PALS1: variants seen among roughly 807,000 people sequenced by gnomAD.
PALS1 encodes the protein protein PALS1.
In PALS1, 31 loss-of-function variants were observed where a neutral mutation model predicts 78.9. The ratio of observed to expected loss-of-function variants is 0.39; its 90% CI spans 0.30 to 0.53. The LOEUF (loss-of-function observed/expected upper bound fraction) is 0.53. PALS1 is among the 20% of genes least tolerant of loss of function. The pLI, the probability that PALS1 is intolerant of heterozygous loss-of-function variation, is 0.67. For missense variants in PALS1, 704 were observed against 826.5 expected (o/e 0.85, Z 1.82); for synonymous variants, 276 against 270.9 (o/e 1.02, Z -0.18).
At chr14:67,326,297 G>A (rs1450899240) in intron 14 of PALS1, among the ~76,000 whole-genome samples, 2 of 114,984 alleles carry the variant, frequency 1.7e-5, no homozygotes, top group African/African-American at 3.4e-5. Flanking sequence ...CTAGAGTGCT[G>A]TGGCATGATC....
At chr14:67,309,865 C>T (rs72717382) in intron 8 of PALS1, among the ~76,000 whole-genome samples, 5,242 of 152,098 alleles carry the variant, frequency 0.034, 111 homozygotes, top group East Asian at 0.06. Context: ...GGTAGGCTTT[C>T]AGAAAGTGAT....
intron 8 of PALS1, among the ~76,000 whole-genome samples, chr14:67,304,445 A>G (rs914448465): frequency 5.3e-5 from 8 of 152,340 alleles, no homozygotes; most frequent in Middle Eastern, 3.4e-3. Flanking sequence ...GTATGATGGG[A>G]TATTATTTGA....
intron 14 of PALS1, among the ~76,000 whole-genome samples, chr14:67,326,077 G>A (rs143730990): frequency 2.0e-5 from 3 of 146,378 alleles, no homozygotes; most frequent in Non-Finnish European, 3.0e-5. Flanking sequence ...CAGCCTCCTC[G>A]GCCTCCCAAA....
intron 8 of PALS1, among the ~76,000 whole-genome samples, chr14:67,309,638 C>G (rs2085058174): frequency 6.6e-6 from 1 of 152,110 alleles, no homozygotes; most frequent in Admixed American, 6.6e-5. Flanking sequence ...TTTTGTTGGC[C>G]TATGGCAATG....
chr14:67,319,749 GAAAGT>G (rs2085234029), intron 11 of PALS1, among the ~76,000 whole-genome samples: 4 of 152,220 alleles, frequency 2.6e-5, no homozygotes, highest in Admixed American at 2.6e-4. Flanking sequence ...TGAACTATAG[GAAAGT>G]ATTCCAGCTT....
chr14:67,302,566 T>C lies in PALS1; in HGVS notation c.958T>C (p.Leu320=). ...GAAAGATGTCAATGAGGTTTTTGAC[T>C]TGTTGGTAAGTTGACGCAGCTAGAA... The part of the protein sequence containing the change: ...RGKDVNEVFD[L]LSDMHGTLTF... The change falls in exon 7 of 15, where the codon TTG becomes CTG. Residue 320 remains leucine (L), a synonymous_variant. Transcript: ENST00000261681. 6.6e-7 allele frequency: 1 copy of C among 1,504,516 alleles called. No homozygotes were observed. The highest frequency in any genetic ancestry group is 8.9e-7 in the Non-Finnish European group (1 of 1,124,840). 93.2% of individuals were successfully genotyped at this position (1,504,516 alleles called of 1,614,324 possible). A position where few individuals can be genotyped will look rare whatever the true frequency, so the allele number is the denominator to read the frequency against.
chr14:67,311,983 T>G (rs1186342153), intron 8 of PALS1: 1 of 152,642 alleles, frequency 6.6e-6, no homozygotes, highest in African/African-American at 2.4e-5. Context: ...AAGCTCATAT[T>G]TACCTGCTTA....
At chr14:67,297,710 G>GTC (rs60822470) in intron 4 of PALS1, among the ~76,000 whole-genome samples, 47,808 of 151,960 alleles carry the variant, frequency 0.31, 11,598 homozygotes, top group African/African-American at 0.65. Context: ...AGGACATAGT[G>GTC]TCTATGTGGG....
intron 2 of PALS1, among the ~76,000 whole-genome samples, chr14:67,278,316 G>A (rs1595579219): frequency 6.6e-6 from 1 of 151,036 alleles, no homozygotes; most frequent in Admixed American, 6.6e-5. Context: ...GATTACAGGC[G>A]TGAGCCACTG....
At chr14:67,254,182 CTTTTTTTT>C (rs78097877) in intron 1 of PALS1, 1 of 118,562 alleles carries the variant, frequency 8.4e-6, no homozygotes, top group Non-Finnish European at 1.8e-5. Context: ...AAGTGTCTTT[CTTTTTTTT>C]TTTTTTTTTT....
intron 1 of PALS1, among the ~76,000 whole-genome samples, chr14:67,258,304 G>A (rs576579374): frequency 4.3e-4 from 65 of 152,062 alleles, no homozygotes; most frequent in Non-Finnish European, 9.0e-4. Context: ...GGATCCCAAG[G>A]CAGGTGGATC....
intron 1 of PALS1, among the ~76,000 whole-genome samples, chr14:67,265,471 G>C (rs1302140523): frequency 6.6e-6 from 1 of 152,114 alleles, no homozygotes; most frequent in Non-Finnish European, 1.5e-5. Flanking sequence ...TGGGAGGGTT[G>C]CATGAGCCAG....
chr14:67,283,960 T>C (rs1021173628), intron 3 of PALS1, among the ~76,000 whole-genome samples: 5 of 152,200 alleles, frequency 3.3e-5, no homozygotes, highest in Admixed American at 3.3e-4. Context: ...AAAGTAGGGA[T>C]AATAGAGTCA....
rs974845833 is a variant in PALS1 at position 67,302,382 on chromosome 14, T to C, written c.802-28T>C. ...TAACAAAAATTGTATTATTTTTATTTTTAAATTATACATATATATATTTTT... is the reference window on the plus strand; with the variant it reads ...TAACAAAAATTGTATTATTTTTATTCTTAAATTATACATATATATATTTTT... On this transcript the variant is annotated intron_variant, in intron 6 of 14. Transcript: ENST00000261681. The C allele has an allele frequency of 9.7e-6, 13 of 1,340,766 alleles. No homozygotes were observed. In the African/African-American group the frequency reaches 1.8e-4, roughly 19 times the overall value. 83.1% of individuals were successfully genotyped at this position (1,340,766 alleles called of 1,614,324 possible).
At chr14:67,255,270 A>C (rs1229240368) in intron 1 of PALS1, among the ~76,000 whole-genome samples, 2 of 152,244 alleles carry the variant, frequency 1.3e-5, no homozygotes, top group African/African-American at 2.4e-5. Context: ...GAGTACATTG[A>C]GAGCAAAGCA....
chr14:67,277,591 C>T (rs2084527369), intron 2 of PALS1, among the ~76,000 whole-genome samples: 1 of 151,272 alleles, frequency 6.6e-6, no homozygotes, highest in African/African-American at 2.4e-5. Context: ...AATATTATTG[C>T]TCTTGAGTGA....
At chr14:67,258,264 G>A (rs940588854) in intron 1 of PALS1, among the ~76,000 whole-genome samples, 7 of 152,052 alleles carry the variant, frequency 4.6e-5, no homozygotes, top group African/African-American at 1.2e-4. Context: ...GCCAGGCACC[G>A]TGGCTCACTC....
At chr14:67,276,493 A>G (rs992955517) in intron 2 of PALS1, among the ~76,000 whole-genome samples, 1 of 152,196 alleles carries the variant, frequency 6.6e-6, no homozygotes, top group Non-Finnish European at 1.5e-5. Flanking sequence ...ACCAAGTTTT[A>G]TAGTTCATTG....
chr14:67,292,336 A>C (rs1381199273), intron 3 of PALS1, among the ~76,000 whole-genome samples, 175 bp from the exon 4 acceptor site: 1 of 152,208 alleles, frequency 6.6e-6, no homozygotes, highest in African/African-American at 2.4e-5. Flanking sequence ...TGTAATTTTT[A>C]AAAGAGTTTT....
Sources: gnomAD v4.1 joint callset for allele counts (sites outside exome capture counted in the v4.1 genomes callset) on GRCh38, gnomAD v4.1.1 for gene constraint, MANE v1.5 for transcripts, NCBI Gene and HGNC (gene_info 2026-07-23, HGNC 2026-07-21) for gene names.